CABCOCO1: variants seen among roughly 807,000 people sequenced by gnomAD.
The protein encoded by CABCOCO1 is ciliary-associated calcium-binding coiled-coil protein 1.
CABCOCO1 carries 28 observed loss-of-function variants against 35.7 expected under a neutral mutation model. The ratio of observed to expected loss-of-function variants is 0.78; its 90% confidence interval spans 0.58 to 1.07. The LOEUF (loss-of-function observed/expected upper bound fraction) is 1.07, where lower values mean the gene tolerates loss of function less well. Ranked by LOEUF, CABCOCO1 falls within the 50% of genes least tolerant of loss-of-function variation. The probability of loss-of-function intolerance (pLI) is 0.00; values close to 1 mark genes in which losing one functional copy is unlikely to be tolerated. For synonymous variants in CABCOCO1, 95 were observed against 100.1 expected (o/e 0.95, Z 0.30); for missense variants, 326 against 309.2 (o/e 1.05, Z -0.41).
intron 5 of CABCOCO1, among the ~76,000 whole-genome samples, chr10:61,693,973 C>T (rs1026418361): frequency 6.6e-6 from 1 of 151,828 alleles, no homozygotes; most frequent in African/African-American, 2.4e-5. Context: ...ATAGAAAAAC[C>T]AAACCACAAA....
At chr10:61,760,312 C>CT (rs1841983203) in intron 6 of CABCOCO1, 131 bp downstream of exon 6, 1 of 1,263,332 alleles carries the variant, frequency 7.9e-7, no homozygotes, top group South Asian at 1.5e-5. Flanking sequence ...AAATATTTCT[C>CT]TAAGTGTTGA....
intron 3 of CABCOCO1, chr10:61,685,287 A>G (rs1179558284): frequency 6.6e-6 from 1 of 152,156 alleles, no homozygotes; most frequent in Non-Finnish European, 1.5e-5. Flanking sequence ...GACTCCATTC[A>G]TTTACATTTT....
At chr10:61,744,172 C>T (rs985602675) in intron 5 of CABCOCO1, among the ~76,000 whole-genome samples, 5 of 152,022 alleles carry the variant, frequency 3.3e-5, no homozygotes, top group African/African-American at 1.2e-4. Context: ...TAAGTAATTG[C>T]TAAGAGTTTA....
chr10:61,758,894 C>T (rs1240312210), intron 5 of CABCOCO1, among the ~76,000 whole-genome samples: 3 of 151,962 alleles, frequency 2.0e-5, no homozygotes, highest in African/African-American at 7.3e-5. Flanking sequence ...TAGCTTCCAG[C>T]GCATTTCAAA....
chr10:61,693,480 A>C (rs947489416), intron 5 of CABCOCO1, among the ~76,000 whole-genome samples: 1 of 152,092 alleles, frequency 6.6e-6, no homozygotes, highest in Admixed American at 6.6e-5. Context: ...TTGTGGATAG[A>C]TGAGAAAAAA....
chr10:61,708,627 T>G (rs71507186), intron 5 of CABCOCO1, among the ~76,000 whole-genome samples: 2,365 of 152,134 alleles, frequency 0.016, 40 homozygotes, highest in East Asian at 0.046. Flanking sequence ...TTGGCTTCTT[T>G]CATAGGGCAT....
intron 5 of CABCOCO1, among the ~76,000 whole-genome samples, chr10:61,746,056 C>T (rs1841652789): frequency 6.6e-6 from 1 of 152,178 alleles, no homozygotes; most frequent in Non-Finnish European, 1.5e-5. Flanking sequence ...GGCTGAGTTA[C>T]ACAAAGGAGT....
chr10:61,702,652 G>C (rs762765257), intron 5 of CABCOCO1, among the ~76,000 whole-genome samples: 2 of 151,394 alleles, frequency 1.3e-5, no homozygotes, highest in Non-Finnish European at 2.9e-5. Context: ...TATAATATTG[G>C]GCCACATACC....
chr10:61,756,169 TAGCACAATTCAACTTAA>T (rs1288553421), intron 5 of CABCOCO1, among the ~76,000 whole-genome samples: 1 of 152,060 alleles, frequency 6.6e-6, no homozygotes, highest in Admixed American at 6.6e-5. Context: ...TCAAATACCA[TAGCACAATTCAACTTAA>T]AGCACAATTC....
intron 5 of CABCOCO1, among the ~76,000 whole-genome samples, chr10:61,740,866 G>T (rs948060525): frequency 2.0e-5 from 3 of 152,166 alleles, no homozygotes; most frequent in Non-Finnish European, 4.4e-5. Context: ...CAATAAGAGG[G>T]CCGGGTGCAG....
intron 5 of CABCOCO1, among the ~76,000 whole-genome samples, chr10:61,691,762 T>C (rs1442268338): frequency 1.3e-5 from 2 of 152,038 alleles, no homozygotes; most frequent in African/African-American, 2.4e-5. Flanking sequence ...TCTGTTCCTG[T>C]GTTAGTTTGC....
Position 61,740,264 on chromosome 10 carries a change from C to T in CABCOCO1, c.553-19795C>T, listed in dbSNP as rs567629161. Among the ~76,000 whole-genome samples the T allele has an allele frequency of 1.2e-4, 19 of 152,230 alleles. No individual in the cohort carries two copies. In the East Asian group the frequency reaches 3.5e-3, roughly 28 times the overall value. ...AGGGAACTCTTGTATAATAATCTAT[C>T]GCCATCTTTGTATAGATACAGCTTC... On this transcript the variant is annotated intron_variant, in intron 5 of 7. Transcript: ENST00000648843.
chr10:61,694,216 A>G (rs1324494186), intron 5 of CABCOCO1, among the ~76,000 whole-genome samples: 2 of 150,396 alleles, frequency 1.3e-5, no homozygotes, highest in East Asian at 3.9e-4. Flanking sequence ...AGAGTCAGAA[A>G]AAGGGAGATT....
At chr10:61,755,688 A>T (rs1266018679) in intron 5 of CABCOCO1, among the ~76,000 whole-genome samples, 2 of 152,046 alleles carry the variant, frequency 1.3e-5, no homozygotes, top group Non-Finnish European at 2.9e-5. Flanking sequence ...TAATTTAATA[A>T]TTATCCCCTT....
chr10:61,743,509 G>T (rs1163472963), intron 5 of CABCOCO1, among the ~76,000 whole-genome samples: 4 of 151,986 alleles, frequency 2.6e-5, no homozygotes, highest in Non-Finnish European at 4.4e-5. Flanking sequence ...TCTACCAATT[G>T]GTTTACTATC....
chr10:61,689,684 T>G (rs772269158), intron 4 of CABCOCO1, among the ~76,000 whole-genome samples: 6 of 152,124 alleles, frequency 3.9e-5, no homozygotes, highest in Non-Finnish European at 8.8e-5. Context: ...GGCACCAGAG[T>G]GAAAGAGAAA....
intron 5 of CABCOCO1, among the ~76,000 whole-genome samples, chr10:61,736,823 G>GAGATCTTCTCAGATT (rs1841427112): frequency 6.6e-6 from 1 of 152,102 alleles, no homozygotes; most frequent in Non-Finnish European, 1.5e-5. Flanking sequence ...TCTTTGAGCA[G>GAGATCTTCTCAGATT]TGTTTTGTAA....
At chr10:61,696,285 A>G (rs1429338853) in intron 5 of CABCOCO1, among the ~76,000 whole-genome samples, 1 of 152,080 alleles carries the variant, frequency 6.6e-6, no homozygotes, top group Non-Finnish European at 1.5e-5. Flanking sequence ...TGCTAAGCTA[A>G]GAGAGGAGGA....
At chr10:61,755,078 T>C (rs1349304999) in intron 5 of CABCOCO1, among the ~76,000 whole-genome samples, 1 of 152,084 alleles carries the variant, frequency 6.6e-6, no homozygotes, top group African/African-American at 2.4e-5. Flanking sequence ...ATTTACAGAG[T>C]ATATTAAGAA....
Sources: allele counts gnomAD v4.1 joint callset (sites outside exome capture counted in the v4.1 genomes callset), GRCh38; gene constraint gnomAD v4.1.1; transcripts MANE v1.5; gene names NCBI Gene and HGNC (gene_info 2026-07-23, HGNC 2026-07-21).